Variants in RTN4RL1 observed in about 807,000 individuals in gnomAD.
The protein encoded by RTN4RL1 is reticulon-4 receptor-like 1.
In RTN4RL1, 7 loss-of-function variants were observed where a neutral mutation model predicts 25.6. The observed-to-expected ratio is 0.27, with a 90% confidence interval of 0.16 to 0.51. The LOEUF (loss-of-function observed/expected upper bound fraction) is 0.51. Among genes scored for constraint, RTN4RL1 ranks in the 20% least tolerant of loss-of-function variants. The pLI, the probability that RTN4RL1 is intolerant of heterozygous loss-of-function variation, is 0.97. For synonymous variants in RTN4RL1, 297 were observed against 288.2 expected, an observed-to-expected ratio of 1.03 and a Z score of -0.31; for missense variants, 500 against 615.6, an observed-to-expected ratio of 0.81 and a Z score of 1.99.
At chr17:2,013,633 GGAACATAAATACCCCAGCTCTC>G (rs1567528151) in intron 1 of RTN4RL1, among the ~76,000 whole-genome samples, 21 of 128,842 alleles carry the variant, frequency 1.6e-4, no homozygotes, top group African/African-American at 6.2e-4. Context: ...CCCTCACCCT[GGAACATAAATACCCCAGCTCTC>G]TCACCCTGGA....
Position 1,976,491 on chromosome 17 carries a change from G to A in RTN4RL1, c.14-38683C>T, listed in dbSNP as rs900208675. ...AAGAGGTTTAAGTAGTGTTGGTGCT[G>A]CAGAAGGAAACGGGACCCACATCCT... is the stretch of plus-strand genomic sequence containing the variant. On this transcript the variant is annotated intron_variant, in intron 1 of 1. Coordinates refer to ENST00000331238, the MANE Select transcript of RTN4RL1 (RefSeq NM_178568.4). Among the ~76,000 whole-genome samples the A allele has an allele frequency of 6.2e-4, 94 of 152,260 alleles. 3 individuals carry two copies. Among genetic ancestry groups the A allele is most frequent in the Non-Finnish European group, 8.8e-5 (6 of 68,046 alleles).
chr17:1,967,401 C>T (rs571492865), intron 1 of RTN4RL1, among the ~76,000 whole-genome samples: 9 of 152,288 alleles, frequency 5.9e-5, no homozygotes, highest in Non-Finnish European at 8.8e-5. Flanking sequence ...CTACCCACCA[C>T]GCCTCGCCGT....
intron 1 of RTN4RL1, among the ~76,000 whole-genome samples, chr17:1,977,399 C>A (rs2066846793): frequency 6.6e-6 from 1 of 152,198 alleles, no homozygotes; most frequent in South Asian, 2.1e-4. Flanking sequence ...GACCTTGGAG[C>A]CTGCCCTTCC....
chr17:1,982,777 G>T (rs1434439173), intron 1 of RTN4RL1, among the ~76,000 whole-genome samples: 1 of 152,188 alleles, frequency 6.6e-6, no homozygotes, highest in Non-Finnish European at 1.5e-5. Context: ...CCCTGAAAAT[G>T]GAGTGAGGAA....
At chr17:1,967,362 C>T (rs2066796313) in intron 1 of RTN4RL1, among the ~76,000 whole-genome samples, 2 of 152,118 alleles carry the variant, frequency 1.3e-5, no homozygotes, top group Non-Finnish European at 2.9e-5. Context: ...CTAGATGGCC[C>T]CCTCAGCATC....
At position 1,954,383 on chromosome 17, in the gene RTN4RL1, C is replaced by CTTT. The variant is rs55654151; in HGVS notation, c.14-16578_14-16576dup. Among the ~76,000 whole-genome samples, 377 of 124,290 alleles carry CTTT rather than the reference C, an allele frequency of 3.0e-3. 9 individuals carry two copies. Among genetic ancestry groups the CTTT allele is most frequent in the African/African-American group, 8.1e-3 (247 of 30,616 alleles). 81.5% of individuals were successfully genotyped at this position (124,290 alleles called of 152,430 possible). The stretch of plus-strand genomic sequence containing the variant: ...CTTCCCTTCCTTCCTTGCTTCCTTC[C>CTTT]TTTTTTTTTTTTTTTTTTTTTTGAG... On this transcript the variant is annotated intron_variant, in intron 1 of 1. Transcript: ENST00000331238.
intron 1 of RTN4RL1, among the ~76,000 whole-genome samples, chr17:1,963,774 C>T (rs575154107): frequency 6.6e-6 from 1 of 152,096 alleles, no homozygotes; most frequent in South Asian, 2.1e-4. Context: ...TCTTGTTGCC[C>T]GGGCTGGAGT....
chr17:1,999,921 C>G (rs111384346), intron 1 of RTN4RL1, among the ~76,000 whole-genome samples: 68 of 152,342 alleles, frequency 4.5e-4, no homozygotes, highest in African/African-American at 1.5e-3. Context: ...GCAGGCCTGT[C>G]CCCAGGGGGG....
chr17:1,954,784 CAATGAATG>C (rs1002572845), intron 1 of RTN4RL1, among the ~76,000 whole-genome samples: 27 of 152,196 alleles, frequency 1.8e-4, no homozygotes, highest in African/African-American at 6.5e-4. Context: ...TCTGTCAAGT[CAATGAATG>C]AATGAATGAT....
intron 1 of RTN4RL1, among the ~76,000 whole-genome samples, chr17:1,944,980 A>G (rs1915508520): frequency 3.9e-5 from 6 of 152,140 alleles, no homozygotes; most frequent in Admixed American, 3.9e-4. Context: ...TGTGGCCCAG[A>G]GGCCCAGTTG....
intron 1 of RTN4RL1, among the ~76,000 whole-genome samples, chr17:1,957,564 G>T (rs1203822654): frequency 6.6e-6 from 1 of 152,142 alleles, no homozygotes; most frequent in Admixed American, 6.5e-5. Flanking sequence ...GGCAGGGCCG[G>T]GTGCAGTGGC....
chr17:2,014,061 T>C (rs1374163810), intron 1 of RTN4RL1, among the ~76,000 whole-genome samples: 1 of 152,218 alleles, frequency 6.6e-6, no homozygotes, highest in Non-Finnish European at 1.5e-5. Flanking sequence ...ATAAACTACT[T>C]GCTTGAATTT....
rs772848901 is a variant in RTN4RL1 at position 1,937,780 on chromosome 17, C to G, written c.42G>C (p.Leu14Phe). 1.7e-5 allele frequency: 27 copies of G among 1,597,218 alleles called. No homozygotes were observed. The African/African-American group carries it at 3.6e-4, about 21-fold the overall frequency. Residue 14 changes from leucine to phenylalanine, a missense_variant, in exon 2 of 2, where the codon TTG becomes TTC. Coordinates refer to ENST00000331238, the MANE Select transcript of RTN4RL1 (RefSeq NM_178568.4). Reference protein sequence around the residue: ...KGCCVELLLLLVAAELPLGGG... With the variant: ...KGCCVELLLLFVAAELPLGGG... ...CACCCAGGGGCAGCTCCGCAGCTACCAACAGCAGCAGCAACTCCACACAGC... is the reference window on the plus strand; with the variant it reads ...CACCCAGGGGCAGCTCCGCAGCTACGAACAGCAGCAGCAACTCCACACAGC...
chr17:1,981,258 G>A (rs968543829), intron 1 of RTN4RL1, among the ~76,000 whole-genome samples: 1 of 151,954 alleles, frequency 6.6e-6, no homozygotes, highest in African/African-American at 2.4e-5. Flanking sequence ...GTGCACACCT[G>A]TAGTCTCAGC....
chr17:1,960,362 T>C (rs1417761738), intron 1 of RTN4RL1, among the ~76,000 whole-genome samples: 1 of 152,120 alleles, frequency 6.6e-6, no homozygotes, highest in Non-Finnish European at 1.5e-5. Flanking sequence ...GCTCGAAATC[T>C]TCAGTGGCTT....
chr17:1,988,970 G>T (rs991462706), intron 1 of RTN4RL1, among the ~76,000 whole-genome samples: 1 of 152,136 alleles, frequency 6.6e-6, no homozygotes, highest in Non-Finnish European at 1.5e-5. Flanking sequence ...AAAAACAGGG[G>T]CCCCTATTTC....
Position 1,937,050 on chromosome 17 carries a change from C to T in RTN4RL1, c.772G>A (p.Asp258Asn). The change falls in exon 2 of 2, where the codon GAC (aspartate) becomes AAC (asparagine). Residue 258 changes from aspartate (D) to asparagine (N), a missense_variant. This residue lies in a region of RTN4RL1 where 268 missense variants were observed against 274.5 expected (regional missense o/e 0.98). Transcript: ENST00000331238. ...EFLRLNGNPW[D>N]CGCRARSLWE... ...AGGGAGCGCGCGCGACAACCACAGT[C>T]CCAGGGGTTGCCGTTGAGGCGGAGG... The T allele has an allele frequency of 3.1e-6, 5 of 1,605,356 alleles. No homozygotes were observed. The highest frequency in any genetic ancestry group is 4.2e-6 in the Non-Finnish European group (5 of 1,177,798).
rs891865353 is a variant in RTN4RL1, at chr17:1,967,402, G to A, written c.14-29594C>T. Among the ~76,000 whole-genome samples the A allele has an allele frequency of 3.3e-5, 5 of 151,992 alleles. No homozygotes were observed. The South Asian group carries it at 8.3e-4, about 25-fold the overall frequency. On this transcript the variant is annotated intron_variant, in intron 1 of 1. Transcript: ENST00000331238. ...GCTCCCCGCCCCCGCTACCCACCACGCCTCGCCGTCTGTCTGTAGACTCAG... is the reference window on the plus strand; with the variant it reads ...GCTCCCCGCCCCCGCTACCCACCACACCTCGCCGTCTGTCTGTAGACTCAG...
chr17:1,954,447 G>A (rs574344467), intron 1 of RTN4RL1, among the ~76,000 whole-genome samples: 1 of 147,148 alleles, frequency 6.8e-6, no homozygotes, highest in East Asian at 2.0e-4. Context: ...GGAGTGCAGT[G>A]GCACGATCTC....
Sources: gnomAD v4.1 joint callset for allele counts (sites outside exome capture counted in the v4.1 genomes callset) on GRCh38, gnomAD v4.1.1 for gene constraint, gnomAD v4.1.1 regional missense constraint, MANE v1.5 for transcripts, NCBI Gene and HGNC (gene_info 2026-07-23, HGNC 2026-07-21) for gene names.